Variants in RBM6 observed in about 807,000 individuals in gnomAD.
The protein encoded by RBM6 is RNA-binding protein 6.
Under a neutral mutation model 140.4 loss-of-function variants are expected in RBM6, and 23 were observed. The ratio of observed to expected loss-of-function variants is 0.16; its 90% confidence interval spans 0.12 to 0.23. The LOEUF (loss-of-function observed/expected upper bound fraction) is 0.23, where lower values mean the gene tolerates loss of function less well. RBM6 is among the 10% of genes least tolerant of loss of function. The pLI, the probability that RBM6 is intolerant of heterozygous loss-of-function variation, is 1.00. For synonymous variants in RBM6, 439 were observed against 475.6 expected (o/e 0.92, Z 1.00); for missense variants, 1,139 against 1,386.7 (o/e 0.82, Z 2.84).
At chr3:49,981,094 G>A (rs2085288723) in intron 5 of RBM6, among the ~76,000 whole-genome samples, 1 of 151,836 alleles carries the variant, frequency 6.6e-6, no homozygotes, top group Admixed American at 6.6e-5. Flanking sequence ...TAGTAGAGAC[G>A]GGGTTTCACC....
At chr3:49,988,338 G>A (rs1051341109) in intron 5 of RBM6, among the ~76,000 whole-genome samples, 6 of 151,860 alleles carry the variant, frequency 4.0e-5, no homozygotes, top group African/African-American at 1.5e-4. Context: ...AGACATGGGG[G>A]TCACTGTCTT....
Position 49,959,658 on chromosome 3 carries a change from C to T in RBM6, c.-66-2918C>T, listed in dbSNP as rs1474066972. Among the ~76,000 whole-genome samples, 4 of 150,046 alleles carry T rather than the reference C, an allele frequency of 2.7e-5. No individual in the cohort carries two copies. The East Asian group carries it at 7.8e-4, about 29-fold the overall frequency. ...TGACCTCGGCTCACTGCAACCTCCG[C>T]CTCCAGGGTTCAAGTCATTCTCCTG... On this transcript the variant is annotated intron_variant, in intron 1 of 20. Transcript: ENST00000266022.
intron 1 of RBM6, among the ~76,000 whole-genome samples, chr3:49,960,674 T>G (rs977759437): frequency 6.6e-6 from 1 of 152,190 alleles, no homozygotes; most frequent in Admixed American, 6.6e-5. Flanking sequence ...ACTTCTTATC[T>G]TGACTTGAGT....
intron 1 of RBM6, among the ~76,000 whole-genome samples, chr3:49,944,860 T>C (rs192676982): frequency 5.9e-5 from 9 of 151,270 alleles, no homozygotes; most frequent in African/African-American, 1.9e-4. Context: ...CAAATGGTAA[T>C]TCTATGTGTA....
intron 6 of RBM6, among the ~76,000 whole-genome samples, chr3:50,006,194 T>G (rs941568278): frequency 7.9e-5 from 12 of 150,944 alleles, no homozygotes; most frequent in African/African-American, 2.7e-4. Context: ...GCCCAGGCTG[T>G]AGCACAGAGG....
chr3:49,976,509 A>G (rs1354985015), intron 5 of RBM6, among the ~76,000 whole-genome samples: 8 of 152,208 alleles, frequency 5.3e-5, no homozygotes, highest in Non-Finnish European at 1.0e-4. Context: ...TATTCTTGGT[A>G]TCTCACTTAT....
At chr3:49,981,527 TA>T (rs2085304975) in intron 5 of RBM6, 1 of 152,218 alleles carries the variant, frequency 6.6e-6, no homozygotes, top group African/African-American at 2.4e-5. Context: ...AAAAGTGACT[TA>T]ATAATAAGCA....
intron 6 of RBM6, among the ~76,000 whole-genome samples, chr3:50,002,264 CT>C (rs781666292): frequency 0.09 from 12,383 of 137,910 alleles, 582 homozygotes; most frequent in African/African-American, 0.14. Context: ...AATTTTTTTT[CT>C]TTTTTTTTTT....
chr3:49,982,537 C>T (rs2085358380), intron 5 of RBM6, among the ~76,000 whole-genome samples: 1 of 151,858 alleles, frequency 6.6e-6, no homozygotes, highest in South Asian at 2.1e-4. Context: ...GCCTCAGTCT[C>T]CCAAGTAGCT....
chr3:50,062,984 C>G (rs544148796), intron 15 of RBM6, among the ~76,000 whole-genome samples: 1 of 151,004 alleles, frequency 6.6e-6, no homozygotes, highest in Non-Finnish European at 1.5e-5. Flanking sequence ...ACGTCAAACC[C>G]ATGGGCTTAA....
At chr3:49,999,341 C>T in intron 5 of RBM6, 99 bp from the exon 6 acceptor site, 2 of 991,878 alleles carry the variant, frequency 2.0e-6, no homozygotes, top group Admixed American at 1.8e-5. Context: ...GTTGGGAGGG[C>T]TTGTGTTTAA....
intron 5 of RBM6, among the ~76,000 whole-genome samples, chr3:49,979,110 A>G (rs779616071): frequency 1.3e-5 from 2 of 152,216 alleles, no homozygotes; most frequent in Non-Finnish European, 2.9e-5. Flanking sequence ...AGGAGGAATG[A>G]AATACTGATG....
chr3:49,979,030 A>G (rs748526828), intron 5 of RBM6, among the ~76,000 whole-genome samples: 1 of 152,218 alleles, frequency 6.6e-6, no homozygotes, highest in Non-Finnish European at 1.5e-5. Context: ...ACCTAACAAC[A>G]TGGATGAATC....
Position 49,967,715 on chromosome 3 carries a change from G to C in RBM6, c.290G>C (p.Gly97Ala). The change falls in exon 3 of 21, where the codon GGG (glycine) becomes GCG (alanine). Residue 97 changes from glycine (G) to alanine (A), a missense_variant. Physicochemically the swap from Gly to Ala is moderately conservative, Grantham distance 60 (BLOSUM62 0). Coordinates refer to ENST00000266022, the MANE Select transcript of RBM6 (RefSeq NM_005777.3). This position sits in a 1 kb window ranked among gnomAD's most constrained non-coding sequence, Gnocchi z 4.0. ...GGEGPGHDFR[G>A]GDFSSSDFQS... ...GAGGGACCTGGACATGATTTCAGGG[G>C]GGGAGATTTTTCGTCTTCTGATTTC... The C allele has an allele frequency of 1.2e-6, 2 of 1,614,124 alleles. No individual in the cohort carries two copies. Among genetic ancestry groups the C allele is most frequent in the East Asian group, 4.5e-5 (2 of 44,884 alleles).
At chr3:50,036,100 T>C (rs1055567603) in intron 6 of RBM6, among the ~76,000 whole-genome samples, 4 of 152,054 alleles carry the variant, frequency 2.6e-5, no homozygotes, top group African/African-American at 7.2e-5. Context: ...TTCACTATAT[T>C]GGCCAGGCTG....
intron 2 of RBM6, among the ~76,000 whole-genome samples, chr3:49,966,199 G>C (rs2352969): frequency 0.14 from 20,682 of 152,272 alleles, 1,762 homozygotes; most frequent in Non-Finnish European, 0.19. Context: ...CCCAGAATCA[G>C]TTGTCCTTTG....
chr3:49,949,517 C>T lies in RBM6; in HGVS notation c.-67+9292C>T, dbSNP rs553854232. The stretch of plus-strand genomic sequence containing the variant: ...AAGCGATTCTCCTGCCTCAGCCTCC[C>T]GAGTAGCTGGGACTACAGGCGCCTG... On this transcript the variant is annotated intron_variant, in intron 1 of 20. Transcript: ENST00000266022. 6.6e-5 allele frequency among the ~76,000 whole-genome samples: 10 copies of T among 152,114 alleles called. No homozygotes were observed. In the South Asian group the frequency reaches 1.9e-3, roughly 28 times the overall value.
In RBM6 at chr3:49,967,370, A is replaced by G; in HGVS notation, c.45-100A>G. ...GTTACAGAACTCTGCCAAAAAAAAA[A>G]TGTTTACAGAAGAATGTGCTGTGAT... On this transcript the variant is annotated intron_variant, in intron 2 of 20. Transcript: ENST00000266022. The surrounding 1 kb of genome is among the most constrained non-coding windows in gnomAD (Gnocchi z 4.0). 1 of 1,506,200 alleles carries G rather than the reference A, an allele frequency of 6.6e-7. No individual in the cohort carries two copies. The highest frequency in any genetic ancestry group is 1.4e-5 in the African/African-American group (1 of 71,692). 93.3% of individuals were successfully genotyped at this position (1,506,200 alleles called of 1,614,324 possible).
intron 6 of RBM6, among the ~76,000 whole-genome samples, chr3:50,020,520 G>A (rs1298021129): frequency 6.6e-6 from 1 of 152,032 alleles, no homozygotes; most frequent in East Asian, 1.9e-4. Flanking sequence ...TTCCCTCTCA[G>A]CACTGCTTTT....
Sources: allele counts gnomAD v4.1 joint callset (sites outside exome capture counted in the v4.1 genomes callset), GRCh38; gene constraint gnomAD v4.1.1; non-coding constraint Gnocchi (gnomAD v3.1); transcripts MANE v1.5; gene names NCBI Gene and HGNC (gene_info 2026-07-23, HGNC 2026-07-21).